The following ZNF385D variants were observed in gnomAD, a reference collection of about 807,000 sequenced individuals.
The protein encoded by ZNF385D is zinc finger protein 385D.
Under a neutral mutation model 35.8 loss-of-function variants are expected in ZNF385D, and 15 were observed. The ratio of observed to expected loss-of-function variants is 0.42; its 90% CI spans 0.28 to 0.64. ZNF385D has a LOEUF of 0.64. ZNF385D is among the 30% of genes least tolerant of loss of function. The pLI is 0.23. For synonymous variants in ZNF385D, 212 were observed against 186.8 expected (o/e 1.13, Z -1.10); for missense variants, 474 against 494.6 (o/e 0.96, Z 0.39).
intron 3 of ZNF385D, among the ~76,000 whole-genome samples, chr3:21,971,157 G>A (rs2125340986): frequency 6.6e-6 from 1 of 151,892 alleles, no homozygotes; most frequent in South Asian, 2.1e-4. Flanking sequence ...TAAGTACATA[G>A]AAAAAACACA....
intron 3 of ZNF385D, among the ~76,000 whole-genome samples, chr3:21,856,537 C>A (rs985480407): frequency 2.0e-5 from 3 of 152,022 alleles, no homozygotes; most frequent in Non-Finnish European, 4.4e-5. Context: ...CTACTCAGGC[C>A]AGAAATCTTG....
At chr3:22,131,868 G>T (rs986457325) in intron 3 of ZNF385D, among the ~76,000 whole-genome samples, 1 of 152,110 alleles carries the variant, frequency 6.6e-6, no homozygotes, top group African/African-American at 2.4e-5. Context: ...ATAAGTCAGG[G>T]AAACATAATA....
intron 3 of ZNF385D, among the ~76,000 whole-genome samples, chr3:22,160,167 C>A (rs1391750461): frequency 1.3e-5 from 2 of 152,008 alleles, no homozygotes; most frequent in Admixed American, 1.3e-4. Context: ...TGAGTGAAAT[C>A]TTTTTCTTTT....
intron 2 of ZNF385D, among the ~76,000 whole-genome samples, chr3:21,574,036 C>A (rs2063415512): frequency 1.6e-5 from 2 of 127,820 alleles, no homozygotes; most frequent in African/African-American, 6.1e-5. Context: ...CTCTAGCCTG[C>A]ACAACAAGAG....
intron 3 of ZNF385D, among the ~76,000 whole-genome samples, chr3:21,876,295 C>G (rs944205619): frequency 6.6e-6 from 1 of 150,590 alleles, no homozygotes; most frequent in Non-Finnish European, 1.5e-5. Context: ...TATTGCTTAT[C>G]TATTAGGGGT....
At chr3:21,770,996 A>C (rs1041257235) in intron 3 of ZNF385D, among the ~76,000 whole-genome samples, 18 of 151,644 alleles carry the variant, frequency 1.2e-4, no homozygotes, top group African/African-American at 4.1e-4. Flanking sequence ...AGGACAAAAA[A>C]GCCAAACACC....
chr3:22,014,326 T>C lies in ZNF385D; in HGVS notation c.325+154491A>G, dbSNP rs114766138. On this transcript the variant is annotated intron_variant, in intron 3 of 5. Coordinates refer to the ZNF385D transcript ENST00000494108. ...AGGCAAAGGAAGGCATTCCTCCAGATCACAGGATGCAGAGTATTAATACAT... is the reference window on the plus strand; with the variant it reads ...AGGCAAAGGAAGGCATTCCTCCAGACCACAGGATGCAGAGTATTAATACAT... Among the ~76,000 whole-genome samples, 860 of 152,164 alleles carry C rather than the reference T, an allele frequency of 5.7e-3. 3 individuals carry two copies. The highest frequency in any genetic ancestry group is 7.7e-3 in the Non-Finnish European group (522 of 68,006).
chr3:21,780,948 A>C (rs2071465694), intron 3 of ZNF385D, among the ~76,000 whole-genome samples: 1 of 152,092 alleles, frequency 6.6e-6, no homozygotes, highest in African/African-American at 2.4e-5. Context: ...TAAGGCATCA[A>C]CATAAAATCT....
intron 3 of ZNF385D, among the ~76,000 whole-genome samples, chr3:21,838,691 G>C (rs1695479329): frequency 6.6e-6 from 1 of 152,046 alleles, no homozygotes; most frequent in South Asian, 2.1e-4. Flanking sequence ...GCCCTAGCTA[G>C]AAACCCTGTT....
chr3:22,016,424 T>C (rs1485472001), intron 3 of ZNF385D, among the ~76,000 whole-genome samples: 1 of 152,142 alleles, frequency 6.6e-6, no homozygotes, highest in South Asian at 2.1e-4. Context: ...GACAGGCAAA[T>C]TGTGCAGACC....
chr3:21,782,266 T>A lies in ZNF385D; in HGVS notation c.326-117238A>T, dbSNP rs114557586. Among the ~76,000 whole-genome samples the A allele has an allele frequency of 2.9e-3, 447 of 152,030 alleles. 2 individuals are homozygous for A. Among genetic ancestry groups the A allele is most frequent in the African/African-American group, 1.0e-2 (414 of 41,466 alleles). ...CTTAGTAGTGCCGGCCAAGTGGAGGTCACAATGTGAGCACTTGTCTTCATG... is the reference window on the plus strand; with the variant it reads ...CTTAGTAGTGCCGGCCAAGTGGAGGACACAATGTGAGCACTTGTCTTCATG... On this transcript the variant is annotated intron_variant, in intron 3 of 5. Transcript: ENST00000494108.
intron 2 of ZNF385D, among the ~76,000 whole-genome samples, chr3:22,270,488 C>G (rs74881280): frequency 0.035 from 5,324 of 152,024 alleles, 144 homozygotes; most frequent in Non-Finnish European, 0.053. Context: ...TGAGCTTACT[C>G]CCTGTTGGAT....
intron 4 of ZNF385D, among the ~76,000 whole-genome samples, chr3:21,473,169 A>C (rs570483053): frequency 6.6e-6 from 1 of 152,162 alleles, no homozygotes; most frequent in African/African-American, 2.4e-5. Context: ...TATTGTTTTA[A>C]AAGTGCAACT....
intron 3 of ZNF385D, among the ~76,000 whole-genome samples, chr3:21,844,091 A>C (rs1695848457): frequency 6.6e-6 from 1 of 151,988 alleles, no homozygotes; most frequent in Non-Finnish European, 1.5e-5. Flanking sequence ...GGAGATTTGG[A>C]GATATTTAAC....
intron 3 of ZNF385D, among the ~76,000 whole-genome samples, chr3:22,141,261 A>G (rs183836068): frequency 1.3e-5 from 2 of 151,680 alleles, no homozygotes; most frequent in East Asian, 3.9e-4. Context: ...ATTGTTCCCA[A>G]TGCAATATTT....
chr3:22,336,512 T>G (rs898545940), intron 2 of ZNF385D, among the ~76,000 whole-genome samples: 8 of 152,112 alleles, frequency 5.3e-5, no homozygotes, highest in African/African-American at 1.9e-4. Context: ...GAAGTCCAAG[T>G]TATTATTTTC....
chr3:22,021,420 C>T (rs1697218368), intron 3 of ZNF385D, among the ~76,000 whole-genome samples: 1 of 151,718 alleles, frequency 6.6e-6, no homozygotes, highest in Admixed American at 6.6e-5. Flanking sequence ...GAATAGTGAC[C>T]CTAAAATAGA....
rs573293698 is a variant in ZNF385D, at chr3:21,524,298, A to G, written c.277-13275T>C. On this transcript the variant is annotated intron_variant, in intron 3 of 7. Coordinates refer to ENST00000281523, the MANE Select transcript of ZNF385D (RefSeq NM_024697.3). The stretch of plus-strand genomic sequence containing the variant: ...CAGATGGTAACTGAAGCCACTGGGA[A>G]ATGTCATTTGAAAGACAAACAAAAA... Among the ~76,000 whole-genome samples, 11 of 152,290 alleles carry G rather than the reference A, an allele frequency of 7.2e-5. No individual in the cohort carries two copies. The South Asian group carries it at 2.3e-3, about 32-fold the overall frequency.
At chr3:21,576,302 A>G (rs1317639342) in intron 2 of ZNF385D, among the ~76,000 whole-genome samples, 8 of 152,186 alleles carry the variant, frequency 5.3e-5, no homozygotes, top group Admixed American at 2.0e-4. Flanking sequence ...AGGCATTTAG[A>G]TGACTTCCAA....
Sources: gnomAD v4.1 joint callset for allele counts (sites outside exome capture counted in the v4.1 genomes callset) on GRCh38, gnomAD v4.1.1 for gene constraint, MANE v1.5 for transcripts, NCBI Gene and HGNC (gene_info 2026-07-23, HGNC 2026-07-21) for gene names.